The following NEBL variants were observed in gnomAD, a reference collection of about 807,000 sequenced individuals.
The protein encoded by NEBL is LIM and SH3 protein 2.
Under a neutral mutation model 140.2 loss-of-function variants are expected in NEBL, and 122 were observed. The ratio of observed to expected loss-of-function variants is 0.87; its 90% CI spans 0.75 to 1.01. The LOEUF is 1.01. NEBL is among the 50% of genes least tolerant of loss of function. NEBL has a pLI of 0.00. For synonymous variants in NEBL, 436 were observed against 398.9 expected (o/e 1.09, Z -1.11); for missense variants, 1,365 against 1,231.3 (o/e 1.11, Z -1.62).
intron 26 of NEBL, among the ~76,000 whole-genome samples, chr10:20,788,463 T>C (rs1460180488): frequency 6.6e-6 from 1 of 152,178 alleles, no homozygotes; most frequent in Non-Finnish European, 1.5e-5. Flanking sequence ...TTCACTCTAA[T>C]AAGTGAGAAC....
At chr10:21,051,225 C>T (rs1182764805) in intron 2 of NEBL, among the ~76,000 whole-genome samples, 2 of 152,138 alleles carry the variant, frequency 1.3e-5, no homozygotes, top group Non-Finnish European at 2.9e-5. Context: ...GATTTATATT[C>T]GGAGATCACA....
chr10:21,202,930 G>A (rs1841765213), intron 3 of NEBL, among the ~76,000 whole-genome samples: 1 of 152,188 alleles, frequency 6.6e-6, no homozygotes, highest in Non-Finnish European at 1.5e-5. Flanking sequence ...AGCTTCCTAA[G>A]AATTTCTGCT....
intron 3 of NEBL, among the ~76,000 whole-genome samples, chr10:21,224,419 C>T (rs536896941): frequency 6.6e-6 from 1 of 152,098 alleles, no homozygotes; most frequent in African/African-American, 2.4e-5. Flanking sequence ...TACTATAGCA[C>T]CATAGTGTAA....
intron 2 of NEBL, among the ~76,000 whole-genome samples, chr10:21,250,399 C>A (rs1480301017): frequency 6.6e-6 from 1 of 152,228 alleles, no homozygotes; most frequent in African/African-American, 2.4e-5. Flanking sequence ...AGCTTTGGGA[C>A]TTGGACTGGC....
chr10:21,189,953 A>T (rs1226353232), intron 3 of NEBL, among the ~76,000 whole-genome samples: 1 of 152,130 alleles, frequency 6.6e-6, no homozygotes, highest in African/African-American at 2.4e-5. Flanking sequence ...GCTTCAATTC[A>T]ATGACTCTGT....
chr10:21,039,698 T>C (rs1834181534), intron 2 of NEBL, among the ~76,000 whole-genome samples: 1 of 152,222 alleles, frequency 6.6e-6, no homozygotes, highest in Non-Finnish European at 1.5e-5. Flanking sequence ...GCTCAGTACA[T>C]GCCCAGATGC....
At chr10:21,282,639 G>T (rs1843007035) in intron 1 of NEBL, among the ~76,000 whole-genome samples, 1 of 152,136 alleles carries the variant, frequency 6.6e-6, no homozygotes, top group Non-Finnish European at 1.5e-5. Context: ...GCTGAAGAAA[G>T]ACCATTTTAC....
chr10:21,227,803 C>T (rs1842190424), intron 3 of NEBL, among the ~76,000 whole-genome samples: 1 of 149,938 alleles, frequency 6.7e-6, no homozygotes, highest in Admixed American at 6.7e-5. Flanking sequence ...TCTTCTTCTT[C>T]TTCTTCTTCT....
intron 3 of NEBL, among the ~76,000 whole-genome samples, chr10:21,000,175 G>A (rs1040484272): frequency 1.6e-5 from 2 of 123,048 alleles, no homozygotes; most frequent in South Asian, 5.9e-4. Context: ...GCAGAGAGGG[G>A]GCAGAGGGGG....
intron 26 of NEBL, among the ~76,000 whole-genome samples, chr10:20,800,050 C>A (rs914735005): frequency 3.3e-5 from 5 of 151,976 alleles, no homozygotes; most frequent in Non-Finnish European, 7.4e-5. Flanking sequence ...AACTACAGTC[C>A]ACATGCTATA....
chr10:21,037,824 G>GATAA (rs4025867), intron 2 of NEBL, among the ~76,000 whole-genome samples: 91,359 of 151,494 alleles, frequency 0.6, 27,610 homozygotes, highest in East Asian at 0.72. Flanking sequence ...AGAGTAGAAA[G>GATAA]ATAGACAAAA....
At chr10:20,799,165 T>G (rs2131683275) in intron 26 of NEBL, among the ~76,000 whole-genome samples, 1 of 152,314 alleles carries the variant, frequency 6.6e-6, no homozygotes, top group South Asian at 2.1e-4. Context: ...ATTTATTTAT[T>G]TTATTTTTGA....
chr10:21,071,194 T>A (rs1257223597), intron 2 of NEBL, among the ~76,000 whole-genome samples: 1 of 148,658 alleles, frequency 6.7e-6, no homozygotes, highest in Non-Finnish European at 1.5e-5. Flanking sequence ...AATAATATTT[T>A]ATTTTTAATA....
At chr10:21,091,697 C>T (rs548797118) in intron 2 of NEBL, among the ~76,000 whole-genome samples, 1 of 152,326 alleles carries the variant, frequency 6.6e-6, no homozygotes, top group East Asian at 1.9e-4. Context: ...GCAATTATAG[C>T]TCACTGCAGC....
At chr10:20,862,677 C>A (rs1213514296) in intron 7 of NEBL, among the ~76,000 whole-genome samples, 1 of 152,120 alleles carries the variant, frequency 6.6e-6, no homozygotes, top group South Asian at 2.1e-4. Flanking sequence ...AAGGCATAAC[C>A]CTTTCAGTTT....
upstream of NEBL, among the ~76,000 whole-genome samples, chr10:20,901,349 C>G (rs1032043010): frequency 6.6e-6 from 1 of 152,144 alleles, no homozygotes; most frequent in Non-Finnish European, 1.5e-5. Flanking sequence ...GCCAAGGGAA[C>G]GTATCTGTGC....
At chr10:20,871,199 A>G (rs1331058023) in intron 5 of NEBL, among the ~76,000 whole-genome samples, 1 of 152,228 alleles carries the variant, frequency 6.6e-6, no homozygotes, top group East Asian at 1.9e-4. Context: ...ATTGTGTACA[A>G]ATATTTCTAA....
At chr10:21,023,539 C>CA (rs1406130479) in intron 2 of NEBL, among the ~76,000 whole-genome samples, 1 of 151,704 alleles carries the variant, frequency 6.6e-6, no homozygotes, top group Non-Finnish European at 1.5e-5. Flanking sequence ...ACTAAAAATA[C>CA]AAAAAAATAG....
intron 14 of NEBL, 87 bp from the exon 15 acceptor site, chr10:20,831,670 A>C: frequency 3.6e-6 from 3 of 838,668 alleles, no homozygotes; most frequent in Non-Finnish European, 4.0e-6. Context: ...CATTAAGACC[A>C]TGTCTTTTGG....
Sources: gnomAD v4.1 joint callset for allele counts (sites outside exome capture counted in the v4.1 genomes callset) on GRCh38, gnomAD v4.1.1 for gene constraint, MANE v1.5 for transcripts, NCBI Gene and HGNC (gene_info 2026-07-23, HGNC 2026-07-21) for gene names.